PDE4D: variants seen among roughly 807,000 people sequenced by gnomAD.
PDE4D encodes the protein phosphodiesterase 4D, also known as 3',5'-cyclic-AMP phosphodiesterase 4D.
Under a neutral mutation model 87.4 loss-of-function variants are expected in PDE4D, and 24 were observed. That is an observed-to-expected ratio of 0.27 (90% CI 0.20 to 0.39). The LOEUF (loss-of-function observed/expected upper bound fraction) is 0.39, where lower values mean the gene tolerates loss of function less well. Among genes scored for constraint, PDE4D ranks in the 10% least tolerant of loss-of-function variants. PDE4D has a pLI of 1.00. For missense variants in PDE4D, 714 were observed against 1,041.0 expected, an observed-to-expected ratio of 0.69 and a Z score of 4.32; for synonymous variants, 384 against 383.2, an observed-to-expected ratio of 1.00 and a Z score of -0.02.
chr5:59,754,623 A>C (rs1271765301), intron 1 of PDE4D, among the ~76,000 whole-genome samples: 1 of 152,126 alleles, frequency 6.6e-6, no homozygotes, highest in Non-Finnish European at 1.5e-5. Flanking sequence ...GCATTCTAGC[A>C]TGGAAAGTAA....
intron 1 of PDE4D, among the ~76,000 whole-genome samples, chr5:59,412,036 CT>C (rs1582466443): frequency 6.6e-6 from 1 of 152,038 alleles, no homozygotes; most frequent in Non-Finnish European, 1.5e-5. Flanking sequence ...GTAAGCCAGA[CT>C]CAATATCTAT....
At chr5:59,901,627 T>C (rs1046239987) in intron 3 of PDE4D, among the ~76,000 whole-genome samples, 2 of 151,960 alleles carry the variant, frequency 1.3e-5, no homozygotes, top group Non-Finnish European at 1.5e-5. Context: ...AAAAGGCACG[T>C]CACAGAAAAG....
chr5:59,661,074 T>TTTTATA (rs1554054981), intron 1 of PDE4D, among the ~76,000 whole-genome samples: 6 of 140,082 alleles, frequency 4.3e-5, no homozygotes, highest in East Asian at 2.0e-4. Context: ...CATGATAATA[T>TTTTATA]TATATATATA....
intron 2 of PDE4D, among the ~76,000 whole-genome samples, chr5:60,037,482 G>C (rs1767942783): frequency 6.6e-6 from 1 of 151,818 alleles, no homozygotes; most frequent in African/African-American, 2.4e-5. Flanking sequence ...TTACTTTTTA[G>C]TCTGGGCCCA....
intron 1 of PDE4D, among the ~76,000 whole-genome samples, chr5:59,273,140 C>T (rs955845496): frequency 3.9e-5 from 6 of 152,120 alleles, no homozygotes; most frequent in African/African-American, 1.4e-4. Flanking sequence ...AGATAAATGG[C>T]AAAGTTTTAG....
At chr5:59,347,478 T>C (rs1465690938) in intron 1 of PDE4D, among the ~76,000 whole-genome samples, 1 of 152,184 alleles carries the variant, frequency 6.6e-6, no homozygotes, top group Non-Finnish European at 1.5e-5. Flanking sequence ...AATAAAAAAT[T>C]AATCTCACAG....
At chr5:60,486,492 A>G (rs1749153424) in intron 1 of PDE4D, among the ~76,000 whole-genome samples, 1 of 152,198 alleles carries the variant, frequency 6.6e-6, no homozygotes, top group African/African-American at 2.4e-5. Flanking sequence ...CTTTCTTTCT[A>G]CAAACTTCAT....
intron 1 of PDE4D, among the ~76,000 whole-genome samples, chr5:59,257,667 G>A (rs763126539): frequency 2.6e-5 from 4 of 152,002 alleles, no homozygotes; most frequent in African/African-American, 4.8e-5. Context: ...AGAATTCAGC[G>A]AGGGTTGCCT....
At chr5:60,134,213 C>G (rs1056812927) in intron 2 of PDE4D, among the ~76,000 whole-genome samples, 21 of 152,042 alleles carry the variant, frequency 1.4e-4, no homozygotes, top group African/African-American at 5.1e-4. Flanking sequence ...AAACATTATA[C>G]AGGCTGAGTG....
At chr5:59,971,173 C>T (rs1448477311) in intron 3 of PDE4D, among the ~76,000 whole-genome samples, 163 of 124,014 alleles carry the variant, frequency 1.3e-3, no homozygotes, top group African/African-American at 4.8e-3. Context: ...CACATGGACA[C>T]AGGAAGGGGA....
At chr5:59,383,706 T>C (rs1413528145) in intron 1 of PDE4D, among the ~76,000 whole-genome samples, 1 of 152,062 alleles carries the variant, frequency 6.6e-6, no homozygotes, top group Non-Finnish European at 1.5e-5. Context: ...ATAATACACA[T>C]ATGAAAAAAC....
At chr5:59,104,673 A>G (rs558611901) in intron 5 of PDE4D, among the ~76,000 whole-genome samples, 7 of 152,096 alleles carry the variant, frequency 4.6e-5, no homozygotes, top group Non-Finnish European at 8.8e-5. Context: ...GAAAGGGGGA[A>G]CTAGGAAGAA....
chr5:59,556,573 G>T (rs1370577626), intron 1 of PDE4D, among the ~76,000 whole-genome samples: 1 of 152,158 alleles, frequency 6.6e-6, no homozygotes, highest in Non-Finnish European at 1.5e-5. Context: ...TCAGGGTTCT[G>T]TACGAGGAAA....
At chr5:60,032,488 C>A (rs1478807107) in intron 2 of PDE4D, among the ~76,000 whole-genome samples, 1 of 152,140 alleles carries the variant, frequency 6.6e-6, no homozygotes, top group Non-Finnish European at 1.5e-5. Flanking sequence ...TTCCAGGACT[C>A]ATTTGTTTTA....
At chr5:59,180,313 C>A (rs1741201943) in intron 5 of PDE4D, 3 of 596,514 alleles carry the variant, frequency 5.0e-6, no homozygotes, top group South Asian at 4.7e-5. Context: ...AACATCATCT[C>A]TCAAAATACA....
At chr5:59,296,576 C>G (rs1016932768) in intron 1 of PDE4D, among the ~76,000 whole-genome samples, 1 of 152,156 alleles carries the variant, frequency 6.6e-6, no homozygotes, top group Non-Finnish European at 1.5e-5. Context: ...TATATATTCT[C>G]TTCTAATCTT....
rs184600470 is a variant in PDE4D at position 60,515,731 on chromosome 5, C to A, written n.70+6320G>T. ...TGCGTAAGAACTCAAGAGGCACCCACTGGATGTTCCTCTAGATCAGGGTTT... is the reference window on the plus strand; with the variant it reads ...TGCGTAAGAACTCAAGAGGCACCCAATGGATGTTCCTCTAGATCAGGGTTT... On this transcript the variant is annotated intron_variant and non_coding_transcript_variant, in intron 1 of 2. Coordinates refer to the PDE4D transcript ENST00000506510. Among the ~76,000 whole-genome samples the A allele has an allele frequency of 5.5e-4, 84 of 151,614 alleles. 1 individual carries two copies. The highest frequency in any genetic ancestry group is 1.9e-3 in the African/African-American group (80 of 41,262).
At chr5:59,852,908 G>C (rs1490756628) in intron 1 of PDE4D, among the ~76,000 whole-genome samples, 1 of 151,928 alleles carries the variant, frequency 6.6e-6, no homozygotes, top group Non-Finnish European at 1.5e-5. Context: ...TGTTCCCATA[G>C]TTAATAGATT....
At chr5:59,193,561 T>C (rs1391743020) in intron 2 of PDE4D, 25 bp from the exon 3 acceptor site, 1 of 1,611,550 alleles carries the variant, frequency 6.2e-7, no homozygotes, top group Non-Finnish European at 8.5e-7. Flanking sequence ...AAATCCCGCA[T>C]TAGAAATCAT....
Sources: allele counts gnomAD v4.1 joint callset (sites outside exome capture counted in the v4.1 genomes callset), GRCh38; gene constraint gnomAD v4.1.1; transcripts MANE v1.5; gene names NCBI Gene and HGNC (gene_info 2026-07-23, HGNC 2026-07-21).